The following CNOT2 variants were observed in gnomAD, a reference collection of about 807,000 sequenced individuals.
CNOT2 encodes CCR4-NOT transcription complex subunit 2, also known as CC chemokine receptor 4-negative regulator of transcription 2.
A neutral mutation model predicts 72.1 loss-of-function variants in CNOT2; 7 were observed. The ratio of observed to expected loss-of-function variants is 0.10; its 90% CI spans 0.06 to 0.18. The LOEUF (loss-of-function observed/expected upper bound fraction) is 0.18, where lower values mean the gene tolerates loss of function less well. Among genes scored for constraint, CNOT2 ranks in the 10% least tolerant of loss-of-function variants. The pLI is 1.00. For missense variants in CNOT2, 345 were observed against 660.3 expected (o/e 0.52, Z 5.23); for synonymous variants, 196 against 225.6 (o/e 0.87, Z 1.17).
chr12:70,278,357 C>G (rs751477617), intron 2 of CNOT2, 83 bp downstream of exon 2: 1 of 1,035,994 alleles, frequency 9.7e-7, no homozygotes, highest in Non-Finnish European at 1.5e-6. Flanking sequence ...GTAATTGGAA[C>G]CAGCAAATTG....
chr12:70,299,807 C>G (rs1873558771), intron 2 of CNOT2, among the ~76,000 whole-genome samples: 1 of 152,174 alleles, frequency 6.6e-6, no homozygotes, highest in Non-Finnish European at 1.5e-5. Flanking sequence ...ACACTGACTT[C>G]CACAATGGTT....
intron 1 of CNOT2, among the ~76,000 whole-genome samples, chr12:70,260,983 C>G (rs1003825224): frequency 6.6e-6 from 1 of 151,714 alleles, no homozygotes; most frequent in Non-Finnish European, 1.5e-5. Context: ...AGACTTTCAC[C>G]TTTGAGTATA....
At chr12:70,304,105 T>C (rs562008023) in intron 2 of CNOT2, among the ~76,000 whole-genome samples, 1 of 152,310 alleles carries the variant, frequency 6.6e-6, no homozygotes, top group East Asian at 1.9e-4. Context: ...TCCATTCGTC[T>C]AATTTTTTTT....
intron 1 of CNOT2, among the ~76,000 whole-genome samples, chr12:70,267,535 A>G (rs903568404): frequency 2.0e-5 from 3 of 152,256 alleles, no homozygotes; most frequent in African/African-American, 4.8e-5. Context: ...GGTGAAATTC[A>G]GAGGTCCTGG....
At chr12:70,281,098 T>C (rs1869752468) in intron 2 of CNOT2, among the ~76,000 whole-genome samples, 1 of 150,834 alleles carries the variant, frequency 6.6e-6, no homozygotes, top group Admixed American at 6.8e-5. Flanking sequence ...TTTTTTTTTT[T>C]TCTTTTTTTT....
chr12:70,346,127 T>C (rs1208986459), intron 14 of CNOT2, 53 bp from the exon 15 acceptor site: 2 of 1,253,132 alleles, frequency 1.6e-6, no homozygotes, highest in Non-Finnish European at 2.3e-6. Flanking sequence ...GTAGAACATG[T>C]TTGATGTAAG....
At chr12:70,254,778 C>A (rs934085113) in intron 1 of CNOT2, among the ~76,000 whole-genome samples, 1 of 151,756 alleles carries the variant, frequency 6.6e-6, no homozygotes, top group Non-Finnish European at 1.5e-5. Flanking sequence ...TTTAGGAGTT[C>A]AAGATCAGCC....
intron 15 of CNOT2, among the ~76,000 whole-genome samples, chr12:70,348,790 C>G (rs1593295256): frequency 6.6e-6 from 1 of 151,852 alleles, no homozygotes; most frequent in South Asian, 2.1e-4. Context: ...AGCAATTCCT[C>G]AGTCAGGTAA....
chr12:70,280,351 T>C (rs1465301095), intron 2 of CNOT2, among the ~76,000 whole-genome samples: 2 of 151,760 alleles, frequency 1.3e-5, no homozygotes, highest in African/African-American at 4.8e-5. Flanking sequence ...CATAGCAGAG[T>C]AGGGTGACTA....
chr12:70,269,523 A>G (rs948334561), intron 1 of CNOT2, among the ~76,000 whole-genome samples: 7 of 152,176 alleles, frequency 4.6e-5, no homozygotes, highest in South Asian at 4.1e-4. Context: ...AATATTGACT[A>G]AACAAACTCA....
intron 2 of CNOT2, among the ~76,000 whole-genome samples, chr12:70,282,374 T>A (rs1870021866): frequency 6.6e-6 from 1 of 152,204 alleles, no homozygotes; most frequent in Non-Finnish European, 1.5e-5. Flanking sequence ...TGTATTTTTG[T>A]GGAATATAGT....
intron 4 of CNOT2, among the ~76,000 whole-genome samples, chr12:70,325,494 G>A (rs1013123106): frequency 1.3e-5 from 2 of 151,812 alleles, no homozygotes; most frequent in African/African-American, 4.8e-5. Context: ...CAAGAAATTG[G>A]ATCATTGTCT....
At chr12:70,302,568 G>A (rs1413581689) in intron 2 of CNOT2, among the ~76,000 whole-genome samples, 3 of 152,170 alleles carry the variant, frequency 2.0e-5, no homozygotes, top group Non-Finnish European at 2.9e-5. Flanking sequence ...TGATTGCACT[G>A]TGGTCTGAGA....
chr12:70,259,945 T>C (rs1407141230), intron 1 of CNOT2, among the ~76,000 whole-genome samples: 1 of 152,216 alleles, frequency 6.6e-6, no homozygotes, highest in Non-Finnish European at 1.5e-5. Flanking sequence ...TTTATTTATC[T>C]TAGTACCCTT....
At chr12:70,244,007 A>T (rs78943832) in intron 1 of CNOT2, 1 of 152,164 alleles carries the variant, frequency 6.6e-6, no homozygotes, top group African/African-American at 2.4e-5. Flanking sequence ...CCTTCTCTCA[A>T]TACACGTATA....
intron 2 of CNOT2, among the ~76,000 whole-genome samples, chr12:70,288,086 A>AT (rs911464638): frequency 6.4e-5 from 9 of 139,536 alleles, no homozygotes; most frequent in Admixed American, 4.4e-4. Context: ...GAACATCAAG[A>AT]TTTTTTGCTG....
chr12:70,270,682 A>G (rs553262510), intron 1 of CNOT2, among the ~76,000 whole-genome samples: 8 of 152,254 alleles, frequency 5.3e-5, no homozygotes, highest in African/African-American at 1.7e-4. Flanking sequence ...TAAACAAACC[A>G]TTATTTTAGA....
chr12:70,351,806 G>T (rs1882898628), intron 15 of CNOT2, among the ~76,000 whole-genome samples: 1 of 152,154 alleles, frequency 6.6e-6, no homozygotes, highest in Admixed American at 6.5e-5. Context: ...CTTGAACCAA[G>T]CAATAAAATT....
intron 1 of CNOT2, chr12:70,244,169 C>G (rs977362600): frequency 2.0e-5 from 3 of 152,344 alleles, no homozygotes; most frequent in African/African-American, 7.2e-5. Flanking sequence ...GCGATGCCGC[C>G]TCTGCCACCG....
Sources: gnomAD v4.1 joint callset for allele counts (sites outside exome capture counted in the v4.1 genomes callset) on GRCh38, gnomAD v4.1.1 for gene constraint, MANE v1.5 for transcripts, NCBI Gene and HGNC (gene_info 2026-07-23, HGNC 2026-07-21) for gene names.